SLC25A12: variants seen among roughly 807,000 people sequenced by gnomAD.
The protein encoded by SLC25A12 is solute carrier family 25 member 12.
A neutral mutation model predicts 83.3 loss-of-function variants in SLC25A12; 32 were observed. The observed-to-expected ratio is 0.38, with a 90% confidence interval of 0.29 to 0.52. SLC25A12 has a LOEUF of 0.52. SLC25A12 is among the 20% of genes least tolerant of loss of function. SLC25A12 has a pLI of 0.84. For missense variants in SLC25A12, 611 were observed against 835.6 expected (o/e 0.73, Z 3.31); for synonymous variants, 267 against 291.1 (o/e 0.92, Z 0.84).
Position 171,787,603 on chromosome 2 carries a change from G to A in SLC25A12, c.1803C>T (p.Leu601=). 1.2e-6 allele frequency: 2 copies of A among 1,614,120 alleles called. No homozygotes were observed. The highest frequency in any genetic ancestry group is 1.7e-6 in the Non-Finnish European group (2 of 1,179,974). Residue 601 remains leucine (L), a synonymous_variant, in exon 17 of 18, where the codon CTC becomes CTT. Coordinates refer to ENST00000422440, the MANE Select transcript of SLC25A12 (RefSeq NM_003705.5). The part of the protein sequence containing the change: ...FGVTLVTYEL[L]QRWFYIDFGG... The stretch of plus-strand genomic sequence containing the variant: ...CAAAATCAATGTAAAACCACCGCTG[G>A]AGAAGTTCATAAGTGACCAAGGTAA...
chr2:171,812,205 T>C (rs3770451), intron 11 of SLC25A12, among the ~76,000 whole-genome samples: 2 of 152,008 alleles, frequency 1.3e-5, no homozygotes, highest in South Asian at 4.1e-4. Context: ...TATATAATGC[T>C]AAAAATGAAC....
At chr2:171,810,662 T>C (rs977920238) in intron 11 of SLC25A12, among the ~76,000 whole-genome samples, 4 of 152,198 alleles carry the variant, frequency 2.6e-5, no homozygotes, top group African/African-American at 9.6e-5. Flanking sequence ...ACAGATACTG[T>C]ACACTTGGAA....
At chr2:171,843,096 C>T in intron 5 of SLC25A12, among the ~76,000 whole-genome samples, 1 of 152,150 alleles carries the variant, frequency 6.6e-6, no homozygotes, top group Non-Finnish European at 1.5e-5. Context: ...GCTGGGATTA[C>T]AGGCGTGAGC....
intron 15 of SLC25A12, chr2:171,788,506 A>G (rs1033225150): frequency 6.3e-6 from 1 of 158,602 alleles, no homozygotes; most frequent in Non-Finnish European, 1.4e-5. Context: ...AGTCATTACA[A>G]CTGGAGCAAG....
At chr2:171,833,252 C>T (rs186572740) in intron 8 of SLC25A12, among the ~76,000 whole-genome samples, 118 of 152,210 alleles carry the variant, frequency 7.8e-4, no homozygotes, top group African/African-American at 2.8e-3. Flanking sequence ...GTGCCCCAAT[C>T]AGCATGAAGT....
intron 4 of SLC25A12, among the ~76,000 whole-genome samples, chr2:171,850,740 C>T (rs950660875): frequency 6.6e-6 from 1 of 152,144 alleles, no homozygotes; most frequent in East Asian, 1.9e-4. Context: ...GGATTACAGG[C>T]GTGAGCCACT....
At chr2:171,794,024 C>T (rs1324948295) in intron 13 of SLC25A12, among the ~76,000 whole-genome samples, 1 of 152,078 alleles carries the variant, frequency 6.6e-6, no homozygotes, top group Admixed American at 6.5e-5. Flanking sequence ...GTTTCTCAGA[C>T]CAGTCTTTCC....
At chr2:171,786,376 T>C (rs1690490039) in intron 17 of SLC25A12, among the ~76,000 whole-genome samples, 1 of 92,922 alleles carries the variant, frequency 1.1e-5, no homozygotes, top group Admixed American at 1.4e-4. Flanking sequence ...AGAGCAAGAC[T>C]CCGTCTAAAA....
chr2:171,788,046 A>G, intron 15 of SLC25A12, 99 bp from the exon 16 acceptor site: 1 of 1,240,410 alleles, frequency 8.1e-7, no homozygotes, highest in Non-Finnish European at 1.2e-6. Context: ...CAACCACTTG[A>G]GCGGAACTCA....
At chr2:171,802,026 G>A (rs1683718568) in intron 13 of SLC25A12, among the ~76,000 whole-genome samples, 1 of 151,062 alleles carries the variant, frequency 6.6e-6, no homozygotes, top group African/African-American at 2.4e-5. Flanking sequence ...GAGAATAACA[G>A]GAAAAATTAT....
At chr2:171,893,751 C>A (rs905053339) in intron 1 of SLC25A12, among the ~76,000 whole-genome samples, 2 of 152,164 alleles carry the variant, frequency 1.3e-5, no homozygotes, top group Non-Finnish European at 2.9e-5. Context: ...ACTTTCCATA[C>A]CCTGCAATCT....
chr2:171,838,822 G>A (rs892861260), intron 5 of SLC25A12, among the ~76,000 whole-genome samples: 7 of 152,170 alleles, frequency 4.6e-5, no homozygotes, highest in Non-Finnish European at 8.8e-5. Flanking sequence ...GAGGCAGGGT[G>A]GAGGGTATAG....
rs184440028 is a variant in SLC25A12 at position 171,856,709 on chromosome 2, A to G, written c.210-760T>C. On this transcript the variant is annotated intron_variant, in intron 3 of 17. Transcript: ENST00000422440. ...CTTAAAAGACCTAAGAGATATAACAATGAATCACAATATACATCCTTATTT... is the reference window on the plus strand; with the variant it reads ...CTTAAAAGACCTAAGAGATATAACAGTGAATCACAATATACATCCTTATTT... 14 of 152,312 alleles carry G rather than the reference A, an allele frequency of 9.2e-5. No individual in the cohort carries two copies. In the East Asian group the frequency reaches 1.9e-3, roughly 21 times the overall value. The allele number at this position is 152,312 out of a possible 1,614,324, so 9.4% of individuals were successfully genotyped here.
intron 2 of SLC25A12, among the ~76,000 whole-genome samples, chr2:171,873,647 C>G (rs1685503888): frequency 6.6e-6 from 1 of 152,036 alleles, no homozygotes; most frequent in Admixed American, 6.6e-5. Context: ...TACTTCTGTT[C>G]CCAATCACTC....
intron 4 of SLC25A12, among the ~76,000 whole-genome samples, chr2:171,846,255 ATATT>A (rs1161641595): frequency 2.0e-5 from 3 of 152,146 alleles, no homozygotes; most frequent in Non-Finnish European, 4.4e-5. Context: ...ACAAATTACT[ATATT>A]TAATTAAGTA....
At chr2:171,871,619 C>T in intron 2 of SLC25A12, 2 of 632,154 alleles carry the variant, frequency 3.2e-6, no homozygotes, top group Non-Finnish European at 3.9e-6. Flanking sequence ...CGTGCCGGGC[C>T]CTCACCTGTA....
chr2:171,889,944 C>A (rs1253074620), intron 2 of SLC25A12, among the ~76,000 whole-genome samples: 1 of 152,208 alleles, frequency 6.6e-6, no homozygotes, highest in East Asian at 1.9e-4. Flanking sequence ...TCTAAATGAT[C>A]AATAAATGTT....
chr2:171,847,887 C>A (rs1321652713), intron 4 of SLC25A12, among the ~76,000 whole-genome samples: 1 of 150,696 alleles, frequency 6.6e-6, no homozygotes, highest in African/African-American at 2.4e-5. Flanking sequence ...AGGAGAGGAG[C>A]ACAATGATTT....
intron 8 of SLC25A12, among the ~76,000 whole-genome samples, chr2:171,831,832 G>A (rs1253332576): frequency 1.3e-5 from 2 of 151,998 alleles, no homozygotes; most frequent in African/African-American, 4.8e-5. Flanking sequence ...CCAGGAGGCG[G>A]AGGTTGCAGT....
Sources: allele counts gnomAD v4.1 joint callset (sites outside exome capture counted in the v4.1 genomes callset), GRCh38; gene constraint gnomAD v4.1.1; transcripts MANE v1.5; gene names NCBI Gene and HGNC (gene_info 2026-07-23, HGNC 2026-07-21).